Variants in ACOT8 observed in about 807,000 individuals in gnomAD.
ACOT8 encodes the protein acyl-CoA thioesterase 8.
In ACOT8, 31 loss-of-function variants were observed where a neutral mutation model predicts 38.4. That is an observed-to-expected ratio of 0.81 (90% CI 0.61 to 1.09). ACOT8 has a LOEUF of 1.09. Among genes scored for constraint, ACOT8 ranks in the 50% least tolerant of loss-of-function variants. The pLI, the probability that ACOT8 is intolerant of heterozygous loss-of-function variation, is 0.00. For missense variants in ACOT8, 373 were observed against 421.8 expected, an observed-to-expected ratio of 0.88 and a Z score of 1.01; for synonymous variants, 158 against 170.3, an observed-to-expected ratio of 0.93 and a Z score of 0.56.
intron 5 of ACOT8, chr20:45,842,911 C>T (rs1235890650): frequency 2.0e-6 from 2 of 1,005,758 alleles, no homozygotes; most frequent in African/African-American, 1.7e-5. Flanking sequence ...GAAATGTACT[C>T]CCTTGGAAAG....
chr20:45,848,604 C>G lies in ACOT8; in HGVS notation c.334G>C (p.Val112Leu). The part of the protein sequence containing the change: ...RTGSSFSVRS[V>L]KAVQHGKPIF... ...GGCTTCCCATGTTGCACGGCCTTCA[C>G]AGAGCGCACCGAGAAGCTCGACCCT... The change falls in exon 3 of 6, where the codon GTG becomes CTG. Residue 112 changes from valine to leucine, a missense_variant. By Grantham distance (32) the Val-to-Leu change is conservative. Coordinates refer to ENST00000217455, the MANE Select transcript of ACOT8 (RefSeq NM_005469.4). The G allele has an allele frequency of 4.3e-6, 7 of 1,614,000 alleles. No individual in the cohort carries two copies. Among genetic ancestry groups the G allele is most frequent in the Non-Finnish European group, 5.9e-6 (7 of 1,180,020 alleles).
At position 45,841,905 on chromosome 20, in the gene ACOT8, A is replaced by G; in HGVS notation, c.893T>C (p.Leu298Pro). The G allele has an allele frequency of 6.2e-7, 1 of 1,612,694 alleles. No homozygotes were observed. The highest frequency in any genetic ancestry group is 1.7e-5 in the Admixed American group (1 of 59,908). Residue 298 changes from leucine (L) to proline (P), a missense_variant, in exon 6 of 6, where the codon CTA becomes CCA. Leu to Pro is a moderately conservative substitution (Grantham distance 98). Coordinates refer to ENST00000217455, the MANE Select transcript of ACOT8 (RefSeq NM_005469.4). The stretch of plus-strand genomic sequence containing the variant: ...GCCCTCCTGGGCACAGGTCACAGCT[A>G]GGACTCCATCCTGACGCCACAGCCG... ...HGRLWRQDGV[L>P]AVTCAQEGVI...
intron 1 of ACOT8, among the ~76,000 whole-genome samples, chr20:45,855,766 A>C (rs1202301937): frequency 1.3e-5 from 2 of 151,906 alleles, no homozygotes; most frequent in African/African-American, 4.8e-5. Context: ...AAATAAAATT[A>C]AATAAATGTA....
Position 45,848,740 on chromosome 20 carries a change from A to C in ACOT8, c.263-65T>G, listed in dbSNP as rs1984869248. On this transcript the variant is annotated intron_variant, in intron 2 of 5. Coordinates refer to ENST00000217455, the MANE Select transcript of ACOT8 (RefSeq NM_005469.4). ...GTCATCATCACAACGCCTGACAGGCACTCTACTACTCATCTTCCATTCCAT... is the reference window on the plus strand; with the variant it reads ...GTCATCATCACAACGCCTGACAGGCCCTCTACTACTCATCTTCCATTCCAT... The C allele has an allele frequency of 3.8e-6, 5 of 1,323,512 alleles. No homozygotes were observed. The Admixed American group carries it at 1.1e-4, about 29-fold the overall frequency. 82.0% of individuals were successfully genotyped at this position (1,323,512 alleles called of 1,614,324 possible). A position where few individuals can be genotyped will look rare whatever the true frequency, so the allele number is the denominator to read the frequency against.
intron 5 of ACOT8, chr20:45,842,245 A>G (rs1984249169): frequency 5.6e-6 from 8 of 1,439,728 alleles, no homozygotes; most frequent in South Asian, 3.0e-5. Context: ...TGAGCTTATT[A>G]TGGACCGTCA....
chr20:45,844,509 C>T, intron 3 of ACOT8, 89 bp from the exon 4 acceptor site: 1 of 1,454,048 alleles, frequency 6.9e-7, no homozygotes, highest in Admixed American at 2.1e-5. Context: ...CTCATTCTTC[C>T]ACAGGGACCC....
chr20:45,848,352 A>T (rs936691787), intron 3 of ACOT8, 98 bp downstream of exon 3: 4 of 1,071,590 alleles, frequency 3.7e-6, no homozygotes, highest in South Asian at 1.7e-5. Flanking sequence ...TCTGTATTTT[A>T]AAAATGCTGG....
chr20:45,843,986 CAA>C, intron 4 of ACOT8: 2 of 799,030 alleles, frequency 2.5e-6, no homozygotes, highest in Non-Finnish European at 3.9e-6. Context: ...CCAATTTGCA[CAA>C]AGATACTTTA....
chr20:45,842,309 C>T (rs751233199), intron 5 of ACOT8: 2 of 1,416,440 alleles, frequency 1.4e-6, no homozygotes, highest in Non-Finnish European at 1.8e-6. Flanking sequence ...AAAGCACTTT[C>T]ACACCTCTCC....
In ACOT8 at chr20:45,842,911, C is replaced by A. The variant is rs1235890650; in HGVS notation, c.841+616G>T. On this transcript the variant is annotated intron_variant, in intron 5 of 5. Coordinates refer to ENST00000217455, the MANE Select transcript of ACOT8 (RefSeq NM_005469.4). ...AGCTTTTCTTCATTTGAAATGTACTCCCTTGGAAAGGAGGTCAGGGTTCTG... is the reference window on the plus strand; with the variant it reads ...AGCTTTTCTTCATTTGAAATGTACTACCTTGGAAAGGAGGTCAGGGTTCTG... 3 of 1,005,758 alleles carry A rather than the reference C, an allele frequency of 3.0e-6. No homozygotes were observed. The East Asian group carries it at 2.9e-4, about 98-fold the overall frequency. The allele number at this position is 1,005,758 out of a possible 1,614,324, so 62.3% of individuals were successfully genotyped here.
At chr20:45,842,490 CA>C in intron 5 of ACOT8, 1 of 1,023,628 alleles carries the variant, frequency 9.8e-7, no homozygotes, top group South Asian at 4.0e-5. Context: ...AAAATATCCC[CA>C]CTACCACCAC....
intron 3 of ACOT8, among the ~76,000 whole-genome samples, chr20:45,845,333 C>T (rs531384833): frequency 2.0e-5 from 3 of 152,124 alleles, no homozygotes; most frequent in African/African-American, 4.8e-5. Context: ...ATGATCCGCC[C>T]GCCTCAGCCT....
Position 45,857,367 on chromosome 20 carries a change from C to G in ACOT8, c.-52G>C, listed in dbSNP as rs752350501. On this transcript the variant is annotated 5_prime_UTR_variant, in exon 1 of 6. The change abolishes an upstream ATG in the 5' untranslated region. Transcript: ENST00000217455. ...ACCCGCTCCGCGGAAGACGCGGAGA[C>G]ATACACAGAACCTGACTCTTCCGGC... 6.5e-7 allele frequency: 1 copy of G among 1,549,418 alleles called. No individual in the cohort carries two copies. Among genetic ancestry groups the G allele is most frequent in the Non-Finnish European group, 8.7e-7 (1 of 1,148,316 alleles).
Position 45,848,702 on chromosome 20 carries a change from G to C in ACOT8, c.263-27C>G, listed in dbSNP as rs755995482. On this transcript the variant is annotated intron_variant, in intron 2 of 5. Coordinates refer to ENST00000217455, the MANE Select transcript of ACOT8 (RefSeq NM_005469.4). ...TGCAGTGGGCACAAGGACACAGTGG[G>C]TCCACAGGCCCTGTCATCATCACAA... The C allele has an allele frequency of 8.9e-6, 14 of 1,567,414 alleles. No homozygotes were observed. In the East Asian group the frequency reaches 2.9e-4, roughly 33 times the overall value.
At chr20:45,855,093 C>A (rs1985321033) in intron 2 of ACOT8, 66 bp downstream of exon 2, 3 of 1,591,166 alleles carry the variant, frequency 1.9e-6, no homozygotes, top group Admixed American at 1.7e-5. Flanking sequence ...TTGACCTCAG[C>A]CCCCAAGGCC....
intron 3 of ACOT8, among the ~76,000 whole-genome samples, chr20:45,845,587 G>A (rs189511867): frequency 6.6e-6 from 1 of 152,188 alleles, no homozygotes; most frequent in Non-Finnish European, 1.5e-5. Flanking sequence ...ATCCCCCCAG[G>A]GGGAGGAGCC....
intron 2 of ACOT8, chr20:45,853,624 G>A (rs1053384318): frequency 4.9e-6 from 1 of 205,184 alleles, no homozygotes; most frequent in South Asian, 7.3e-5. Context: ...TATTTCACTA[G>A]GCTGGAAGGA....
At chr20:45,844,704 T>C (rs934289428) in intron 3 of ACOT8, among the ~76,000 whole-genome samples, 15 of 152,226 alleles carry the variant, frequency 9.9e-5, no homozygotes, top group Admixed American at 8.5e-4. Flanking sequence ...GACAAGATCA[T>C]GAATATCTAA....
Position 45,844,334 on chromosome 20 carries a change from G to T in ACOT8, c.575C>A (p.Pro192Gln). The change falls in exon 4 of 6, where the codon CCA (proline) becomes CAA (glutamine). Residue 192 changes from proline to glutamine, a missense_variant. Transcript: ENST00000217455. The part of the protein sequence containing the change: ...EVPIEIKPVN[P>Q]SPLSQLQRME... ...TCTCTGCAGCTGGCTCAGGGGGGAT[G>T]GGTTTACTGGCTTGATCTCAATGGG... 6.2e-7 allele frequency: 1 copy of T among 1,614,198 alleles called. No homozygotes were observed. The highest frequency in any genetic ancestry group is 1.3e-5 in the African/African-American group (1 of 75,046).
Sources: gnomAD v4.1 joint callset for allele counts (sites outside exome capture counted in the v4.1 genomes callset) on GRCh38, gnomAD v4.1.1 for gene constraint, MANE v1.5 for transcripts, NCBI Gene and HGNC (gene_info 2026-07-23, HGNC 2026-07-21) for gene names.